FKBP5: variants seen among roughly 807,000 people sequenced by gnomAD.
The protein encoded by FKBP5 is FKBP prolyl isomerase 5.
Under a neutral mutation model 50.5 loss-of-function variants are expected in FKBP5, and 23 were observed. That is an observed-to-expected ratio of 0.46 (90% confidence interval 0.33 to 0.65). The LOEUF (loss-of-function observed/expected upper bound fraction) is 0.65, where lower values mean the gene tolerates loss of function less well. Among genes scored for constraint, FKBP5 ranks in the 30% least tolerant of loss-of-function variants. The probability of loss-of-function intolerance (pLI) is 0.02; values close to 1 mark genes in which losing one functional copy is unlikely to be tolerated. For synonymous variants in FKBP5, 176 were observed against 190.6 expected, an observed-to-expected ratio of 0.92 and a Z score of 0.63; for missense variants, 411 against 553.1, an observed-to-expected ratio of 0.74 and a Z score of 2.58.
At chr6:35,579,972 A>C (rs1762370404) in intron 9 of FKBP5, 64 bp downstream of exon 9, 22 of 1,251,514 alleles carry the variant, frequency 1.8e-5, no homozygotes, top group Non-Finnish European at 2.4e-5. Context: ...GAGGAAGCAA[A>C]AGACAGAGAT....
At chr6:35,583,164 G>A (rs1037019003) in intron 8 of FKBP5, 1 of 985,248 alleles carries the variant, frequency 1.0e-6, no homozygotes, top group African/African-American at 1.7e-5. Context: ...GAAAAGTGTT[G>A]TTTCACTGAG....
At chr6:35,704,985 C>CA (rs1434379721) in intron 2 of FKBP5, among the ~76,000 whole-genome samples, 1 of 150,576 alleles carries the variant, frequency 6.6e-6, no homozygotes, top group Non-Finnish European at 1.5e-5. Context: ...ACTAAAAATA[C>CA]AAAAAATTAG....
intron 7 of FKBP5, among the ~76,000 whole-genome samples, 155 bp downstream of exon 7, chr6:35,590,975 T>C (rs1480374441): frequency 6.6e-6 from 1 of 151,964 alleles, no homozygotes; most frequent in Non-Finnish European, 1.5e-5. Context: ...TGTCAGTTGT[T>C]CTATTCTTCA....
At chr6:35,583,015 A>C (rs2150953706) in intron 8 of FKBP5, 2 of 909,078 alleles carry the variant, frequency 2.2e-6, no homozygotes, top group Middle Eastern at 5.7e-4. Flanking sequence ...TAAGTCCAGG[A>C]GTTCGAAGCT....
At position 35,688,857 on chromosome 6, in the gene FKBP5, G is replaced by C. The variant is rs953988389; in HGVS notation, c.-73C>G. Reference sequence around the variant, plus strand: ...TCACTCTCCGCCTTGCCCGTGCTCCGCTAACCCTTCAGCCCGCCCAGCAGG... The same window carrying C: ...TCACTCTCCGCCTTGCCCGTGCTCCCCTAACCCTTCAGCCCGCCCAGCAGG... On this transcript the variant is annotated 5_prime_UTR_variant, in exon 1 of 11. Coordinates refer to ENST00000357266, the MANE Select transcript of FKBP5 (RefSeq NM_004117.4). 6.6e-6 allele frequency: 1 copy of C among 151,068 alleles called. No homozygotes were observed. Among genetic ancestry groups the C allele is most frequent in the African/African-American group, 2.4e-5 (1 of 41,290 alleles). 9.4% of individuals were successfully genotyped at this position (151,068 alleles called of 1,614,324 possible).
intron 8 of FKBP5, chr6:35,582,347 T>C (rs1581783463): frequency 1.1e-6 from 1 of 939,878 alleles, no homozygotes; most frequent in East Asian, 1.2e-4. Context: ...GTTGAAGCCC[T>C]CACCCCGAAT....
At chr6:35,691,877 G>C (rs779409509), upstream of FKBP5, among the ~76,000 whole-genome samples, 1 of 152,188 alleles carries the variant, frequency 6.6e-6, no homozygotes, top group African/African-American at 2.4e-5. Flanking sequence ...TGTGACCTGT[G>C]TAGTACACAG....
intron 5 of FKBP5, among the ~76,000 whole-genome samples, chr6:35,613,005 T>C (rs1763535997): frequency 6.6e-6 from 1 of 152,178 alleles, no homozygotes; most frequent in South Asian, 2.1e-4. Context: ...GTCATAAAAG[T>C]ATCAGGTAGC....
At chr6:35,624,370 C>T (rs1763932302) in intron 3 of FKBP5, among the ~76,000 whole-genome samples, 1 of 152,158 alleles carries the variant, frequency 6.6e-6, no homozygotes, top group South Asian at 2.1e-4. Flanking sequence ...GGCACGGTGG[C>T]TCACGCCTGT....
chr6:35,607,290 G>T (rs1023083414), intron 5 of FKBP5, among the ~76,000 whole-genome samples: 1 of 151,718 alleles, frequency 6.6e-6, no homozygotes, highest in African/African-American at 2.4e-5. Flanking sequence ...GACTGCAGTG[G>T]TATAAATGTG....
intron 5 of FKBP5, among the ~76,000 whole-genome samples, chr6:35,608,273 G>A (rs1030934284): frequency 6.6e-5 from 10 of 152,248 alleles, no homozygotes; most frequent in Admixed American, 4.6e-4. Context: ...TTCACTATCT[G>A]GATGATGGGT....
At chr6:35,602,954 C>T (rs752993428) in intron 5 of FKBP5, among the ~76,000 whole-genome samples, 4 of 152,206 alleles carry the variant, frequency 2.6e-5, no homozygotes, top group Admixed American at 1.3e-4. Flanking sequence ...TCCCTTCACA[C>T]CACTATAGCA....
chr6:35,642,679 C>T, intron 2 of FKBP5, 41 bp downstream of exon 2: 1 of 1,487,774 alleles, frequency 6.7e-7, no homozygotes, highest in Non-Finnish European at 9.3e-7. Flanking sequence ...TCTTTCCAGA[C>T]AGCAGGTTTC....
chr6:35,683,098 GTGTGTGTATATATATACGTATA>G (rs1438021994), intron 1 of FKBP5, among the ~76,000 whole-genome samples: 7 of 148,564 alleles, frequency 4.7e-5, no homozygotes, highest in Admixed American at 7.0e-5. Flanking sequence ...AAAAAAAAGT[GTGTGTGTATATATATACGTATA>G]TGTGTGTGTG....
At chr6:35,703,944 C>A in intron 2 of FKBP5, among the ~76,000 whole-genome samples, 1 of 152,196 alleles carries the variant, frequency 6.6e-6, no homozygotes. Flanking sequence ...ATGGTGGTAG[C>A]AGCCATTTTC....
intron 2 of FKBP5, among the ~76,000 whole-genome samples, chr6:35,702,614 G>A (rs373216897): frequency 1.1e-4 from 17 of 151,902 alleles, no homozygotes; most frequent in East Asian, 3.9e-4. Flanking sequence ...CACCACGCCC[G>A]GCTAATTTTT....
chr6:35,616,536 C>G (rs528648723), intron 5 of FKBP5, among the ~76,000 whole-genome samples: 1 of 151,840 alleles, frequency 6.6e-6, no homozygotes, highest in African/African-American at 2.4e-5. Flanking sequence ...TATAAGGGAA[C>G]GCGCTATACT....
chr6:35,602,896 T>C (rs557240454), intron 5 of FKBP5, among the ~76,000 whole-genome samples: 1 of 152,290 alleles, frequency 6.6e-6, no homozygotes, highest in South Asian at 2.1e-4. Context: ...AAACAAGAAG[T>C]ATACACCCAG....
At chr6:35,714,899 A>T (rs1028737773) in intron 2 of FKBP5, among the ~76,000 whole-genome samples, 1 of 152,026 alleles carries the variant, frequency 6.6e-6, no homozygotes, top group African/African-American at 2.4e-5. Context: ...GGTGAGCCCT[A>T]CTTCTTCATT....
Sources: allele counts gnomAD v4.1 joint callset (sites outside exome capture counted in the v4.1 genomes callset), GRCh38; gene constraint gnomAD v4.1.1; transcripts MANE v1.5; gene names NCBI Gene and HGNC (gene_info 2026-07-23, HGNC 2026-07-21).